The following MYO5B variants were observed in gnomAD, a reference collection of about 807,000 sequenced individuals.
MYO5B encodes myosin VB.
MYO5B carries 143 observed loss-of-function variants against 229.3 expected under a neutral mutation model. The ratio of observed to expected loss-of-function variants is 0.62; its 90% CI spans 0.54 to 0.72. MYO5B has a LOEUF of 0.72. Ranked by LOEUF, MYO5B falls within the 30% of genes least tolerant of loss-of-function variation. MYO5B has a pLI of 0.00. For synonymous variants in MYO5B, 918 were observed against 885.2 expected (o/e 1.04, Z -0.66); for missense variants, 2,321 against 2,331.0 (o/e 1.00, Z 0.09).
chr18:50,160,368 G>A (rs1476564728), intron 1 of MYO5B, among the ~76,000 whole-genome samples: 2 of 152,198 alleles, frequency 1.3e-5, no homozygotes, highest in Non-Finnish European at 2.9e-5. Context: ...TGGATCTTGG[G>A]TAAAACCCAG....
chr18:49,940,067 T>A (rs1022709669), intron 14 of MYO5B, among the ~76,000 whole-genome samples: 1 of 152,172 alleles, frequency 6.6e-6, no homozygotes, highest in African/African-American at 2.4e-5. Context: ...AGTGGAGTAT[T>A]TACTGAGTAC....
At chr18:49,934,074 C>T (rs1183046982) in intron 16 of MYO5B, among the ~76,000 whole-genome samples, 6 of 152,144 alleles carry the variant, frequency 3.9e-5, no homozygotes, top group Non-Finnish European at 5.9e-5. Context: ...TTGGGTCTCG[C>T]TATATTTCCC....
chr18:49,920,934 A>G (rs1050925402), intron 17 of MYO5B, among the ~76,000 whole-genome samples: 2 of 152,168 alleles, frequency 1.3e-5, no homozygotes, highest in African/African-American at 4.8e-5. Flanking sequence ...ATCTCACACA[A>G]AAGAGCCAGA....
At chr18:50,104,447 A>C (rs377718548) in intron 1 of MYO5B, among the ~76,000 whole-genome samples, 31 of 152,166 alleles carry the variant, frequency 2.0e-4, no homozygotes, top group African/African-American at 7.2e-4. Context: ...AATTTATTCA[A>C]TGAGGAAAAT....
At chr18:50,122,983 A>T (rs1038756563) in intron 1 of MYO5B, among the ~76,000 whole-genome samples, 1 of 152,172 alleles carries the variant, frequency 6.6e-6, no homozygotes, top group African/African-American at 2.4e-5. Flanking sequence ...TACCCAAAAT[A>T]ACTGAAAATA....
chr18:50,194,393 C>G (rs111337490), intron 1 of MYO5B, among the ~76,000 whole-genome samples: 1 of 152,058 alleles, frequency 6.6e-6, no homozygotes, highest in Non-Finnish European at 1.5e-5. Flanking sequence ...CGCGGGGGCC[C>G]GTCCCGCGCA....
In MYO5B at chr18:49,976,363, C is replaced by T. The variant is rs552107920; in HGVS notation, c.1057-1748G>A. ...CCAAAACAGTTATAAAATAATAGAA[C>T]GCCAGAATAATAGAATCCAAAATCA... On this transcript the variant is annotated intron_variant, in intron 9 of 39. Transcript: ENST00000285039. Among the ~76,000 whole-genome samples the T allele has an allele frequency of 6.6e-5, 10 of 152,192 alleles. No individual in the cohort carries two copies. In the South Asian group the frequency reaches 1.5e-3, roughly 22 times the overall value.
intron 1 of MYO5B, among the ~76,000 whole-genome samples, chr18:50,065,831 T>A (rs72915741): frequency 6.6e-6 from 1 of 152,080 alleles, no homozygotes; most frequent in Admixed American, 6.6e-5. Flanking sequence ...AGCTGAATCC[T>A]AGATGGATAA....
rs756875500 is a variant in MYO5B at position 49,980,431 on chromosome 18, G to T, written c.1056+13C>A. The T allele has an allele frequency of 5.2e-6, 8 of 1,553,130 alleles. No homozygotes were observed. The highest frequency in any genetic ancestry group is 4.5e-5 in the South Asian group (4 of 89,832). ...TGTGTTCATTTTATCTCCGGTGTTGGTGTGCAACTTACTGATATACTACAG... is the reference window on the plus strand; with the variant it reads ...TGTGTTCATTTTATCTCCGGTGTTGTTGTGCAACTTACTGATATACTACAG... On this transcript the variant is annotated intron_variant, in intron 9 of 39. Transcript: ENST00000285039.
Position 50,033,892 on chromosome 18 carries a change from C to A in MYO5B, c.455+2958G>T, listed in dbSNP as rs536807652. On this transcript the variant is annotated intron_variant, in intron 4 of 39. Transcript: ENST00000285039. ...TCCTCTAACTTTCCTCCAGCACTAG[C>A]AGTTCTCTCCTGGAACTCTTGGGGG... 5.3e-5 allele frequency among the ~76,000 whole-genome samples: 8 copies of A among 150,964 alleles called. No homozygotes were observed. In the South Asian group the frequency reaches 1.7e-3, roughly 32 times the overall value.
In MYO5B at chr18:49,877,863, C is replaced by T. The variant is rs377018425; in HGVS notation, c.3296G>A (p.Arg1099Gln). ...TAAGCTACTTTGGTTTGATGGGTTC[C>T]GCCTATGACCTGGAGTTTGCTGTTC... The part of the protein sequence containing the change: ...TIIKQTPGHR[R>Q]NPSNQSSLES... The change falls in exon 25 of 40, where the codon CGG becomes CAG. Residue 1099 changes from arginine (R) to glutamine (Q), a missense_variant. Physicochemically the swap from Arg to Gln is conservative, Grantham distance 43. Around this residue, in one of 2 missense-constraint regions of MYO5B, gnomAD observed 2,113 missense variants for 2,044.7 expected, o/e 1.03. Coordinates refer to ENST00000285039, the MANE Select transcript of MYO5B (RefSeq NM_001080467.3). The T allele has an allele frequency of 3.0e-5, 49 of 1,613,948 alleles. No individual in the cohort carries two copies. The highest frequency in any genetic ancestry group is 2.5e-4 in the African/African-American group (19 of 74,878).
At chr18:49,931,503 G>A (rs2144199594) in intron 16 of MYO5B, among the ~76,000 whole-genome samples, 1 of 152,328 alleles carries the variant, frequency 6.6e-6, no homozygotes, top group Non-Finnish European at 1.5e-5. Context: ...ATTTCCTTCA[G>A]AAGACTTCAT....
At chr18:50,039,125 C>T (rs1050203614) in intron 3 of MYO5B, among the ~76,000 whole-genome samples, 8 of 151,806 alleles carry the variant, frequency 5.3e-5, no homozygotes, top group African/African-American at 1.7e-4. Context: ...ACATGCGAGG[C>T]GTTCCCTCCC....
At chr18:50,137,752 T>C (rs916290378) in intron 1 of MYO5B, among the ~76,000 whole-genome samples, 6 of 152,198 alleles carry the variant, frequency 3.9e-5, no homozygotes, top group African/African-American at 7.2e-5. Context: ...CAATGACAGA[T>C]TGGATAAAGA....
At chr18:49,871,750 G>T (rs1426915931) in intron 27 of MYO5B, 5 of 293,246 alleles carry the variant, frequency 1.7e-5, no homozygotes, top group Non-Finnish European at 3.3e-5. Flanking sequence ...TGGGAATGGG[G>T]TGGGCCTGTT....
At position 49,825,871 on chromosome 18, in the gene MYO5B, T is replaced by G. The variant is rs1193960006; in HGVS notation, c.*600A>C. The stretch of plus-strand genomic sequence containing the variant: ...AGAAACCAGTACTCAAAATGTCTGG[T>G]CTGGAGGTCAGTTACACCACTGTCT... On this transcript the variant is annotated 3_prime_UTR_variant, in exon 40 of 40. Transcript: ENST00000285039. 6.4e-6 allele frequency: 1 copy of G among 155,044 alleles called. No homozygotes were observed. Among genetic ancestry groups the G allele is most frequent in the Non-Finnish European group, 1.4e-5 (1 of 69,600 alleles). 9.6% of individuals were successfully genotyped at this position (155,044 alleles called of 1,614,324 possible).
chr18:50,076,520 T>C (rs2031082504), intron 1 of MYO5B, among the ~76,000 whole-genome samples: 1 of 152,146 alleles, frequency 6.6e-6, no homozygotes, highest in African/African-American at 2.4e-5. Flanking sequence ...ACGGAATATG[T>C]CAGGACACAC....
chr18:49,890,154 G>C (rs1363758170), intron 22 of MYO5B, among the ~76,000 whole-genome samples: 3 of 152,186 alleles, frequency 2.0e-5, no homozygotes, highest in Admixed American at 6.5e-5. Flanking sequence ...CCAGGTACCA[G>C]CCAACCCCAG....
chr18:50,104,265 G>GATATATATATATATAT (rs3075606), intron 1 of MYO5B, among the ~76,000 whole-genome samples: 124 of 134,536 alleles, frequency 9.2e-4, no homozygotes, highest in Non-Finnish European at 9.6e-4. Context: ...ATCTATACAT[G>GATATATATATATATAT]ATATATATAT....
Sources: allele counts gnomAD v4.1 joint callset (sites outside exome capture counted in the v4.1 genomes callset), GRCh38; gene constraint gnomAD v4.1.1; regional missense constraint gnomAD v4.1.1; transcripts MANE v1.5; gene names NCBI Gene and HGNC (gene_info 2026-07-23, HGNC 2026-07-21).